Variants in ZFAT observed in about 807,000 individuals in gnomAD.
ZFAT encodes the protein zinc finger protein ZFAT.
ZFAT carries 64 observed loss-of-function variants against 117.7 expected under a neutral mutation model. The observed-to-expected ratio is 0.54, with a 90% CI of 0.44 to 0.67. The LOEUF (loss-of-function observed/expected upper bound fraction) is 0.67, where lower values mean the gene tolerates loss of function less well. Ranked by LOEUF, ZFAT falls within the 30% of genes least tolerant of loss-of-function variation. ZFAT has a pLI of 0.00. For synonymous variants in ZFAT, 679 were observed against 615.0 expected, an observed-to-expected ratio of 1.10 and a Z score of -1.54; for missense variants, 1,433 against 1,584.5, an observed-to-expected ratio of 0.90 and a Z score of 1.62.
intron 11 of ZFAT, among the ~76,000 whole-genome samples, chr8:134,540,761 C>T (rs1247344630): frequency 2.0e-5 from 3 of 152,164 alleles, no homozygotes; most frequent in East Asian, 1.9e-4. Flanking sequence ...CGCCATCTAG[C>T]GGACTGGGAA....
At chr8:134,625,375 C>T (rs149072352) in intron 3 of ZFAT, among the ~76,000 whole-genome samples, 13 of 152,316 alleles carry the variant, frequency 8.5e-5, no homozygotes, top group African/African-American at 1.7e-4. Context: ...TGAACCATCA[C>T]GAGAGAAATG....
upstream of ZFAT, among the ~76,000 whole-genome samples, chr8:134,716,178 C>CAT (rs1303620496): frequency 5.9e-5 from 8 of 135,666 alleles, no homozygotes; most frequent in Admixed American, 6.1e-4. Flanking sequence ...TGCACACACA[C>CAT]ACACATATAT....
chr8:134,810,693 C>T, the ZFAT span, among the ~76,000 whole-genome samples: 3 of 152,136 alleles, frequency 2.0e-5, no homozygotes, highest in Non-Finnish European at 4.4e-5. Flanking sequence ...AACCCTACAA[C>T]ATAAAAGAAT....
chr8:134,751,790 T>G, the ZFAT span, among the ~76,000 whole-genome samples: 1 of 152,180 alleles, frequency 6.6e-6, no homozygotes, highest in South Asian at 2.1e-4. Flanking sequence ...CTGGAAAATA[T>G]AAGAGAGAGA....
chr8:134,819,498 C>CT, the ZFAT span, among the ~76,000 whole-genome samples: 2 of 31,210 alleles, frequency 6.4e-5, no homozygotes, highest in East Asian at 9.3e-4. Flanking sequence ...GATTTACCAC[C>CT]CCCCCCCCCC....
intron 3 of ZFAT, among the ~76,000 whole-genome samples, chr8:134,619,898 T>A (rs563175097): frequency 6.6e-6 from 1 of 152,104 alleles, no homozygotes; most frequent in East Asian, 1.9e-4. Flanking sequence ...CAGCATCACA[T>A]TGAAGTCCAG....
At chr8:134,815,270 T>C in the ZFAT span, among the ~76,000 whole-genome samples, 1 of 152,196 alleles carries the variant, frequency 6.6e-6, no homozygotes, top group Admixed American at 6.5e-5. Context: ...CATCTATAAT[T>C]GCATAACAAG....
At position 134,648,429 on chromosome 8, in the gene ZFAT, G is replaced by GA. The variant is rs530485782; in HGVS notation, c.196+9131dup. Among the ~76,000 whole-genome samples the GA allele has an allele frequency of 4.8e-4, 73 of 151,906 alleles. 1 individual carries two copies. The South Asian group carries it at 0.011, about 22-fold the overall frequency. On this transcript the variant is annotated intron_variant, in intron 2 of 15. Coordinates refer to ENST00000377838, the MANE Select transcript of ZFAT (RefSeq NM_020863.4). ...CCAAACCTTCAGCTAAACTTACCAA[G>GA]AAAAAATAGCAAGACCTAATTTGTT... is the stretch of plus-strand genomic sequence containing the variant.
At chr8:134,758,507 T>C in the ZFAT span, among the ~76,000 whole-genome samples, 656 of 152,322 alleles carry the variant, frequency 4.3e-3, 6 homozygotes, top group African/African-American at 0.015. Context: ...TTGGGGAAGG[T>C]AGAGGAGGCT....
the ZFAT span, among the ~76,000 whole-genome samples, chr8:134,774,503 A>G: frequency 6.6e-6 from 1 of 152,210 alleles, no homozygotes; most frequent in Non-Finnish European, 1.5e-5. Flanking sequence ...ACACCACACC[A>G]GGAAAATGAT....
chr8:134,688,205 T>C (rs989059912), intron 1 of ZFAT, among the ~76,000 whole-genome samples: 2 of 152,182 alleles, frequency 1.3e-5, no homozygotes, highest in Admixed American at 1.3e-4. Flanking sequence ...ATTTTTTAAA[T>C]CCAGAAACGT....
Position 134,657,612 on chromosome 8 carries a change from G to C in ZFAT, c.145C>G (p.Leu49Val). The C allele has an allele frequency of 3.1e-6, 5 of 1,613,996 alleles. No individual in the cohort carries two copies. The highest frequency in any genetic ancestry group is 4.2e-6 in the Non-Finnish European group (5 of 1,180,008). ...GVNVDEIIIP[L>V]RPLSTPEPPN... ...GGTTCAGGTGTACTCAGAGGCCTAA[G>C]GGGAATAATAATCTCATCAACATTA... The change falls in exon 2 of 16, where the codon CTT (leucine) becomes GTT (valine). Residue 49 changes from leucine (L) to valine (V), a missense_variant. This residue lies in a region of ZFAT where 436 missense variants were observed against 482.0 expected (regional missense o/e 0.90). Coordinates refer to ENST00000377838, the MANE Select transcript of ZFAT (RefSeq NM_020863.4).
the ZFAT span, chr8:134,798,340 A>G: frequency 6.6e-6 from 1 of 152,082 alleles, no homozygotes; most frequent in Non-Finnish European, 1.5e-5. Context: ...CAATATGGTA[A>G]ACAAGAGGGG....
intron 10 of ZFAT, among the ~76,000 whole-genome samples, chr8:134,577,687 T>C (rs1825407203): frequency 6.6e-6 from 1 of 152,068 alleles, no homozygotes; most frequent in African/African-American, 2.4e-5. Flanking sequence ...AAGTCGAAAA[T>C]CTCTGCTTGT....
intron 1 of ZFAT, among the ~76,000 whole-genome samples, chr8:134,712,594 C>G (rs1814045385): frequency 6.6e-6 from 1 of 150,818 alleles, no homozygotes. Context: ...AACGGCCGGG[C>G]GCATGCTCTC....
the ZFAT span, among the ~76,000 whole-genome samples, chr8:134,739,287 ATGTGTGTGTGTGTG>A: frequency 6.6e-6 from 1 of 150,386 alleles, no homozygotes; most frequent in African/African-American, 2.5e-5. Flanking sequence ...GTGTGTAGAG[ATGTGTGTGTGTGTG>A]TGTGTGTGTG....
intron 5 of ZFAT, among the ~76,000 whole-genome samples, chr8:134,607,662 G>C (rs1231244877): frequency 1.3e-5 from 2 of 152,216 alleles, no homozygotes; most frequent in Non-Finnish European, 2.9e-5. Flanking sequence ...TCATTCTGAA[G>C]CTTATGTTCT....
At chr8:134,579,215 G>A (rs1301508120) in intron 10 of ZFAT, among the ~76,000 whole-genome samples, 1 of 152,180 alleles carries the variant, frequency 6.6e-6, no homozygotes, top group East Asian at 1.9e-4. Flanking sequence ...AGGCTGGGAG[G>A]AACAAGAGGG....
the ZFAT span, among the ~76,000 whole-genome samples, chr8:134,787,146 T>A: frequency 1.3e-5 from 2 of 152,158 alleles, no homozygotes; most frequent in Non-Finnish European, 2.9e-5. Flanking sequence ...TGTGTCTGGC[T>A]AAGTTATCTT....
Sources: allele counts gnomAD v4.1 joint callset (sites outside exome capture counted in the v4.1 genomes callset), GRCh38; gene constraint gnomAD v4.1.1; regional missense constraint gnomAD v4.1.1; transcripts MANE v1.5; gene names NCBI Gene and HGNC (gene_info 2026-07-23, HGNC 2026-07-21).